The following SESN3 variants were observed in gnomAD, a reference collection of about 807,000 sequenced individuals.
SESN3 encodes the protein sestrin 3, also known as sestrin-3.
SESN3 carries 21 observed loss-of-function variants against 55.3 expected under a neutral mutation model. That is an observed-to-expected ratio of 0.38 (90% CI 0.27 to 0.55). The LOEUF is 0.55. Ranked by LOEUF, SESN3 falls within the 20% of genes least tolerant of loss-of-function variation. The pLI, the probability that SESN3 is intolerant of heterozygous loss-of-function variation, is 0.76. For missense variants in SESN3, 408 were observed against 604.3 expected (o/e 0.68, Z 3.41); for synonymous variants, 181 against 203.1 (o/e 0.89, Z 0.93).
In SESN3 at chr11:95,166,984, C is replaced by T. The variant is rs945501925; in HGVS notation, c.*6271G>A. ...TAGAGAACCAGCGAAATTCAGAAAG[C>T]GGAAGTCTCTCAACATTACAAAGGA... On this transcript the variant is annotated 3_prime_UTR_variant, in exon 10 of 10. Coordinates refer to ENST00000536441, the MANE Select transcript of SESN3 (RefSeq NM_144665.4). 5 of 152,274 alleles carry T rather than the reference C, an allele frequency of 3.3e-5. No homozygotes were observed. The highest frequency in any genetic ancestry group is 2.1e-4 in the South Asian group (1 of 4,826). The allele number at this position is 152,274 out of a possible 1,614,324, so 9.4% of individuals were successfully genotyped here.
chr11:95,173,124 A>C lies in SESN3; in HGVS notation c.*131T>G, dbSNP rs541147549. ...ACATTACAGCCGCAAAAAACAAAAA[A>C]AAAAAAACAAACGGCTAAACTTTGA... is the stretch of plus-strand genomic sequence containing the variant. On this transcript the variant is annotated 3_prime_UTR_variant, in exon 10 of 10. Transcript: ENST00000536441. The C allele has an allele frequency of 2.3e-3, 1,239 of 535,682 alleles. 8 individuals are homozygous for C. Among genetic ancestry groups the C allele is most frequent in the South Asian group, 7.4e-3 (196 of 26,646 alleles). The allele number at this position is 535,682 out of a possible 1,614,324, so 33.2% of individuals were successfully genotyped here.
At position 95,215,728 on chromosome 11, in the gene SESN3, C is replaced by G. The variant is rs186172234; in HGVS notation, c.78+15055G>C. Among the ~76,000 whole-genome samples, 14 of 152,256 alleles carry G rather than the reference C, an allele frequency of 9.2e-5. No individual in the cohort carries two copies. The East Asian group carries it at 2.7e-3, about 29-fold the overall frequency. On this transcript the variant is annotated intron_variant, in intron 1 of 9. Coordinates refer to ENST00000536441, the MANE Select transcript of SESN3 (RefSeq NM_144665.4). ...AAATAACTGTAAACCAATTATGTGT[C>G]ACACATGCTCTAGAAAAGGTATGTA...
In SESN3 at chr11:95,170,135, T is replaced by TA. The variant is rs1326919498; in HGVS notation, c.*3119_*3120insT. 6.6e-6 allele frequency: 1 copy of TA among 152,176 alleles called. No homozygotes were observed. Among genetic ancestry groups the TA allele is most frequent in the Non-Finnish European group, 1.5e-5 (1 of 68,026 alleles). 9.4% of individuals were successfully genotyped at this position (152,176 alleles called of 1,614,324 possible). A position where few individuals can be genotyped will look rare whatever the true frequency, so the allele number is the denominator to read the frequency against. ...GGTAATAAGCTGTCTCAAAAGCCTC[T>TA]TTTCCCCTAATAGTCATATATCCAC... On this transcript the variant is annotated 3_prime_UTR_variant, in exon 10 of 10. Coordinates refer to ENST00000536441, the MANE Select transcript of SESN3 (RefSeq NM_144665.4).
intron 2 of SESN3, among the ~76,000 whole-genome samples, chr11:95,192,559 T>C (rs1443295539): frequency 1.3e-5 from 2 of 152,084 alleles, no homozygotes; most frequent in Non-Finnish European, 2.9e-5. Context: ...CCCAGACTAA[T>C]GGTCTTTCCA....
In SESN3 at chr11:95,169,350, T is replaced by G. The variant is rs569503624; in HGVS notation, c.*3905A>C. On this transcript the variant is annotated 3_prime_UTR_variant, in exon 10 of 10. Coordinates refer to ENST00000536441, the MANE Select transcript of SESN3 (RefSeq NM_144665.4). ...AAATTAGGTAACTTAAAACTCAATC[T>G]GAGCAGAGGAGCCACGACTTTCAGC... is the stretch of plus-strand genomic sequence containing the variant. 1 of 152,320 alleles carries G rather than the reference T, an allele frequency of 6.6e-6. No homozygotes were observed. Among genetic ancestry groups the G allele is most frequent in the Admixed American group, 6.5e-5 (1 of 15,290 alleles). 9.4% of individuals were successfully genotyped at this position (152,320 alleles called of 1,614,324 possible). A position where few individuals can be genotyped will look rare whatever the true frequency, so the allele number is the denominator to read the frequency against.
intron 1 of SESN3, among the ~76,000 whole-genome samples, chr11:95,228,161 A>G (rs1330116812): frequency 6.6e-6 from 1 of 152,218 alleles, no homozygotes; most frequent in Non-Finnish European, 1.5e-5. Context: ...CTCATACAAT[A>G]TATAATTCAA....
chr11:95,228,024 T>A (rs1332866627), intron 1 of SESN3, among the ~76,000 whole-genome samples: 1 of 152,234 alleles, frequency 6.6e-6, no homozygotes, highest in Non-Finnish European at 1.5e-5. Flanking sequence ...GGATATGGTT[T>A]ACCTCTCCAT....
At chr11:95,228,770 T>C (rs530604029) in intron 1 of SESN3, among the ~76,000 whole-genome samples, 95 of 152,304 alleles carry the variant, frequency 6.2e-4, no homozygotes, top group African/African-American at 2.2e-3. Context: ...AAAACTGGAA[T>C]ACTGGCAGAG....
intron 1 of SESN3, among the ~76,000 whole-genome samples, chr11:95,197,752 T>C (rs761730911): frequency 1.3e-5 from 2 of 152,192 alleles, no homozygotes; most frequent in Non-Finnish European, 2.9e-5. Flanking sequence ...AAATTTGTTA[T>C]GGTGACTATA....
chr11:95,182,205 A>G, intron 6 of SESN3: 1 of 309,040 alleles, frequency 3.2e-6, no homozygotes, highest in Non-Finnish European at 6.4e-6. Flanking sequence ...ATATTTTTCA[A>G]GCTTTAGTGA....
At chr11:95,176,590 G>A (rs541348390) in intron 8 of SESN3, among the ~76,000 whole-genome samples, 33 of 152,292 alleles carry the variant, frequency 2.2e-4, no homozygotes, top group Non-Finnish European at 4.3e-4. Flanking sequence ...GTAGGTAAAT[G>A]TAGTATTGGG....
At position 95,169,895 on chromosome 11, in the gene SESN3, A is replaced by C. The variant is rs746378326; in HGVS notation, c.*3360T>G. The C allele has an allele frequency of 3.3e-5, 5 of 152,204 alleles. No individual in the cohort carries two copies. The highest frequency in any genetic ancestry group is 7.2e-5 in the African/African-American group (3 of 41,462). The allele number at this position is 152,204 out of a possible 1,614,324, so 9.4% of individuals were successfully genotyped here. A position where few individuals can be genotyped will look rare whatever the true frequency, so the allele number is the denominator to read the frequency against. On this transcript the variant is annotated 3_prime_UTR_variant, in exon 10 of 10. Coordinates refer to ENST00000536441, the MANE Select transcript of SESN3 (RefSeq NM_144665.4). ...ACAACTAAATAGGAGCTCTGGTTCA[A>C]ATTTTATAGGATTCTTATATAAAAC...
At position 95,230,434 on chromosome 11, in the gene SESN3, G is replaced by T. The variant is rs957985155; in HGVS notation, c.78+349C>A. 3.8e-6 allele frequency: 1 copy of T among 262,852 alleles called. No homozygotes were observed. Among genetic ancestry groups the T allele is most frequent in the African/African-American group, 2.3e-5 (1 of 43,090 alleles). 16.3% of individuals were successfully genotyped at this position (262,852 alleles called of 1,614,324 possible). A position where few individuals can be genotyped will look rare whatever the true frequency, so the allele number is the denominator to read the frequency against. ...CCTCCATCAACAGCTAAACTGCACA[G>T]GGAGGAGGATCGAACGGATCCCTCC... On this transcript the variant is annotated intron_variant, in intron 1 of 9. Transcript: ENST00000536441. The surrounding 1 kb of genome is among the most constrained non-coding windows in gnomAD (Gnocchi z 4.6).
At chr11:95,213,420 C>T (rs889025545) in intron 1 of SESN3, among the ~76,000 whole-genome samples, 4 of 152,076 alleles carry the variant, frequency 2.6e-5, no homozygotes, top group African/African-American at 7.2e-5. Flanking sequence ...GTAAGATTAC[C>T]GATGACAATG....
chr11:95,191,585 G>A lies in SESN3; in HGVS notation c.161C>T (p.Thr54Ile), dbSNP rs1320887348. 1 of 1,612,106 alleles carries A rather than the reference G, an allele frequency of 6.2e-7. No homozygotes were observed. The highest frequency in any genetic ancestry group is 1.3e-5 in the African/African-American group (1 of 74,698). ...IPEKEVVQAN[T>I]VDERTNFLVE... ...AAGAAAGTTAGTACGTTCATCCACTGTGTTTGCTTGGACAACCTTATAACC... is the reference window on the plus strand; with the variant it reads ...AAGAAAGTTAGTACGTTCATCCACTATGTTTGCTTGGACAACCTTATAACC... The change falls in exon 3 of 10, where the codon ACA becomes ATA. Residue 54 changes from threonine (T) to isoleucine (I), a missense_variant. Thr to Ile is a moderately conservative substitution (Grantham distance 89). Coordinates refer to ENST00000536441, the MANE Select transcript of SESN3 (RefSeq NM_144665.4).
chr11:95,189,630 C>A (rs1860230036), intron 4 of SESN3, 149 bp downstream of exon 4: 1 of 520,940 alleles, frequency 1.9e-6, no homozygotes, highest in African/African-American at 2.0e-5. Context: ...GAGAAGTATT[C>A]ATTTGTGCTT....
At chr11:95,215,085 T>C (rs544303008) in intron 1 of SESN3, among the ~76,000 whole-genome samples, 1 of 152,244 alleles carries the variant, frequency 6.6e-6, no homozygotes, top group African/African-American at 2.4e-5. Flanking sequence ...CAACTGATAA[T>C]GCATGTTGAA....
At position 95,189,973 on chromosome 11, in the gene SESN3, AG is replaced by A. The variant is rs1334010252; in HGVS notation, c.343-13del. On this transcript the variant is annotated splice_polypyrimidine_tract_variant and intron_variant, in intron 3 of 9. Transcript: ENST00000536441. ...TGTCTAGCTGCAGCCTAAAGCACAA[AG>A]AAAAAAATTCATTGATAAAAGAATC... 5 of 1,569,784 alleles carry A rather than the reference AG, an allele frequency of 3.2e-6. No homozygotes were observed. The highest frequency in any genetic ancestry group is 4.3e-6 in the Non-Finnish European group (5 of 1,161,684).
At position 95,166,082 on chromosome 11, in the gene SESN3, T is replaced by G. The variant is rs1407032353; in HGVS notation, c.*7173A>C. On this transcript the variant is annotated 3_prime_UTR_variant, in exon 10 of 10. Coordinates refer to ENST00000536441, the MANE Select transcript of SESN3 (RefSeq NM_144665.4). ...TGGCTGTTTATTAAGTTTGCTATTT[T>G]CAGAATTGAAACTATAAGACCGCCA... The G allele has an allele frequency of 1.3e-5, 2 of 152,170 alleles. No individual in the cohort carries two copies. Among genetic ancestry groups the G allele is most frequent in the Non-Finnish European group, 2.9e-5 (2 of 68,010 alleles). 9.4% of individuals were successfully genotyped at this position (152,170 alleles called of 1,614,324 possible).
Sources: gnomAD v4.1 joint callset for allele counts (sites outside exome capture counted in the v4.1 genomes callset) on GRCh38, gnomAD v4.1.1 for gene constraint, Gnocchi (gnomAD v3.1) non-coding constraint, MANE v1.5 for transcripts, NCBI Gene and HGNC (gene_info 2026-07-23, HGNC 2026-07-21) for gene names.